The following ESR2 variants were observed in gnomAD, a reference collection of about 807,000 sequenced individuals.
The protein encoded by ESR2 is estrogen receptor 2.
ESR2 carries 36 observed loss-of-function variants against 49.6 expected under a neutral mutation model. The observed-to-expected ratio is 0.73, with a 90% CI of 0.56 to 0.96. ESR2 has a LOEUF of 0.96. ESR2 is among the 40% of genes least tolerant of loss of function. ESR2 has a pLI of 0.00. For missense variants in ESR2, 714 were observed against 693.0 expected, an observed-to-expected ratio of 1.03 and a Z score of -0.34; for synonymous variants, 320 against 266.1, an observed-to-expected ratio of 1.20 and a Z score of -1.97.
chr14:64,316,727 T>G (rs1337624173), intron 1 of ESR2, among the ~76,000 whole-genome samples: 7 of 152,066 alleles, frequency 4.6e-5, no homozygotes, highest in African/African-American at 1.7e-4. Context: ...GAGAATCACT[T>G]GAACCCAGAA....
chr14:64,260,564 A>T lies in ESR2; in HGVS notation c.837T>A (p.His279Gln), dbSNP rs1281624190. ...GCGCACTGGGGCGGCTGATCAGCAC[A>T]TGGGGCGGCTCAGCCTCCAGGAGGG... Reference protein sequence around the residue: ...VLTLLEAEPPHVLISRPSAPF... With the variant: ...VLTLLEAEPPQVLISRPSAPF... The change falls in exon 5 of 9, where the codon CAT (histidine) becomes CAA (glutamine). Residue 279 changes from histidine to glutamine, a missense_variant. His to Gln is a conservative substitution (Grantham distance 24). Transcript: ENST00000341099. 4 of 1,597,530 alleles carry T rather than the reference A, an allele frequency of 2.5e-6. No homozygotes were observed. The highest frequency in any genetic ancestry group is 3.4e-6 in the Non-Finnish European group (4 of 1,171,172).
rs1292306708 is a variant in ESR2, at chr14:64,242,452, ATAT to A, written c.1225+7091_1225+7093del. ...CAAAACAAACAAACAAACAAAAAAA[ATAT>A]ATATATATATATAAAATCATATGGT... is the stretch of plus-strand genomic sequence containing the variant. On this transcript the variant is annotated intron_variant, in intron 7 of 8. Transcript: ENST00000341099. 4.7e-3 allele frequency among the ~76,000 whole-genome samples: 632 copies of A among 135,644 alleles called. 4 individuals carry two copies. Among genetic ancestry groups the A allele is most frequent in the African/African-American group, 0.018 (596 of 33,076 alleles). The allele number at this position is 135,644 out of a possible 152,430, so 89.0% of individuals were successfully genotyped here. A position where few individuals can be genotyped will look rare whatever the true frequency, so the allele number is the denominator to read the frequency against.
chr14:64,316,841 C>A (rs908450637), intron 1 of ESR2, among the ~76,000 whole-genome samples: 1 of 152,018 alleles, frequency 6.6e-6, no homozygotes, highest in Admixed American at 6.6e-5. Context: ...TAACTACAGA[C>A]TAATATACCA....
At position 64,229,326 on chromosome 14, in the gene ESR2, C is replaced by G. The variant is rs1463495808; in HGVS notation, c.*3811G>C. Among the ~76,000 whole-genome samples, 1 of 151,966 alleles carries G rather than the reference C, an allele frequency of 6.6e-6. No homozygotes were observed. Among genetic ancestry groups the G allele is most frequent in the Admixed American group, 6.6e-5 (1 of 15,258 alleles). The stretch of plus-strand genomic sequence containing the variant: ...TCCTGGGGCAGGAGCAATACTGGCC[C>G]GCTAGGCAAGCAGAAGACTTGCGTG... On this transcript the variant is annotated 3_prime_UTR_variant, in exon 9 of 9. Transcript: ENST00000341099.
intron 7 of ESR2, among the ~76,000 whole-genome samples, chr14:64,243,236 A>G (rs958869625): frequency 5.3e-5 from 8 of 152,218 alleles, no homozygotes; most frequent in African/African-American, 1.9e-4. Flanking sequence ...CAGAACACAC[A>G]AATTTATAGG....
chr14:64,253,558 A>G (rs970824836), intron 6 of ESR2, among the ~76,000 whole-genome samples: 36 of 90,302 alleles, frequency 4.0e-4, no homozygotes, highest in Admixed American at 6.3e-4. Flanking sequence ...GGGGTACACT[A>G]TTTGTGTGTG....
intron 7 of ESR2, among the ~76,000 whole-genome samples, chr14:64,244,037 G>A (rs116504095): frequency 6.6e-6 from 1 of 152,302 alleles, no homozygotes; most frequent in African/African-American, 2.4e-5. Flanking sequence ...GGGATACCCA[G>A]ATAGCAGATA....
chr14:64,282,689 A>G lies in ESR2; in HGVS notation c.297T>C (p.Tyr99=). ...ACCAGGGACTCTTTTGAGGTTCCGC[A>G]TACAGATGTGATAACTGGCGATGGA... The part of the protein sequence containing the change: ...LVVHRQLSHL[Y]AEPQKSPWCE... The change falls in exon 2 of 9, where the codon TAT becomes TAC. Residue 99 remains tyrosine (Y), a synonymous_variant. Transcript: ENST00000341099. 6.2e-7 allele frequency: 1 copy of G among 1,614,076 alleles called. No individual in the cohort carries two copies.
At chr14:64,286,870 T>TC (rs1469117981) in intron 1 of ESR2, among the ~76,000 whole-genome samples, 1 of 151,434 alleles carries the variant, frequency 6.6e-6, no homozygotes, top group African/African-American at 2.4e-5. Flanking sequence ...GCATGCACAA[T>TC]TAGGCCAGGC....
At chr14:64,316,630 G>A (rs1011807167) in intron 1 of ESR2, among the ~76,000 whole-genome samples, 2 of 151,812 alleles carry the variant, frequency 1.3e-5, no homozygotes, top group Non-Finnish European at 2.9e-5. Flanking sequence ...CCAACATGGT[G>A]AAACCCTGTC....
At chr14:64,246,734 CAAAAAAAAAAAAAAA>C (rs71123836) in intron 7 of ESR2, among the ~76,000 whole-genome samples, 492 of 36,490 alleles carry the variant, frequency 0.013, 22 homozygotes, top group Admixed American at 0.13. Context: ...AAGACTCTGT[CAAAAAAAAAAAAAAA>C]AAAAAAAAAA....
At chr14:64,335,295 C>T (rs1020046747) in intron 1 of ESR2, among the ~76,000 whole-genome samples, 2 of 152,168 alleles carry the variant, frequency 1.3e-5, no homozygotes, top group South Asian at 2.1e-4. Flanking sequence ...GATAACCTGA[C>T]TTTATCATTT....
intron 7 of ESR2, among the ~76,000 whole-genome samples, chr14:64,241,999 G>A (rs1402620441): frequency 1.3e-5 from 2 of 152,226 alleles, no homozygotes; most frequent in African/African-American, 4.8e-5. Flanking sequence ...AATATTAAAT[G>A]TAGGATTTTC....
At chr14:64,301,457 T>A (rs2077020179) in intron 1 of ESR2, 2 of 152,148 alleles carry the variant, frequency 1.3e-5, no homozygotes, top group South Asian at 4.2e-4. Context: ...TCCCTTGGAG[T>A]CCCTCGTTCT....
intron 1 of ESR2, among the ~76,000 whole-genome samples, chr14:64,333,537 G>T (rs1475123065): frequency 6.6e-6 from 1 of 151,850 alleles, no homozygotes; most frequent in Non-Finnish European, 1.5e-5. Flanking sequence ...CCCAAGACTG[G>T]GTAATTTATA....
At position 64,230,741 on chromosome 14, in the gene ESR2, G is replaced by A. The variant is rs2098726362; in HGVS notation, c.*2396C>T. On this transcript the variant is annotated 3_prime_UTR_variant, in exon 9 of 9. Transcript: ENST00000341099. ...GAGATTCGGTGAGAATAGCTCAGCT[G>A]GAAACTCACTGTGCGGCGCTCCTGA... Among the ~76,000 whole-genome samples the A allele has an allele frequency of 1.3e-5, 2 of 151,550 alleles. No individual in the cohort carries two copies. The highest frequency in any genetic ancestry group is 4.9e-5 in the African/African-American group (2 of 41,236).
At chr14:64,257,040 G>C (rs2076115083) in intron 6 of ESR2, among the ~76,000 whole-genome samples, 186 bp downstream of exon 6, 1 of 152,112 alleles carries the variant, frequency 6.6e-6, no homozygotes, top group Non-Finnish European at 1.5e-5. Context: ...TGAGTCACAG[G>C]ACCCTGAATC....
chr14:64,232,907 G>A lies in ESR2; in HGVS notation c.*230C>T. On this transcript the variant is annotated 3_prime_UTR_variant, in exon 9 of 9. Coordinates refer to ENST00000341099, the MANE Select transcript of ESR2 (RefSeq NM_001437.3). ...CACTGAGATCCTATGAGGCCATTGA[G>A]TGTGGAAACGCTGCATTCAAATGTG... The A allele has an allele frequency of 1.4e-6, 1 of 715,710 alleles. No individual in the cohort carries two copies. Among genetic ancestry groups the A allele is most frequent in the East Asian group, 2.9e-5 (1 of 33,944 alleles). The allele number at this position is 715,710 out of a possible 1,614,324, so 44.3% of individuals were successfully genotyped here.
intron 7 of ESR2, among the ~76,000 whole-genome samples, chr14:64,238,447 T>C (rs1193763826): frequency 6.6e-6 from 1 of 152,078 alleles, no homozygotes; most frequent in African/African-American, 2.4e-5. Context: ...AGAAATACCC[T>C]CCCAGAAAAG....
Sources: allele counts gnomAD v4.1 joint callset (sites outside exome capture counted in the v4.1 genomes callset), GRCh38; gene constraint gnomAD v4.1.1; transcripts MANE v1.5; gene names NCBI Gene and HGNC (gene_info 2026-07-23, HGNC 2026-07-21).